KIF18A: variants seen among roughly 807,000 people sequenced by gnomAD.
The protein encoded by KIF18A is kinesin-like protein KIF18A.
A neutral mutation model predicts 103.3 loss-of-function variants in KIF18A; 67 were observed. The ratio of observed to expected loss-of-function variants is 0.65; its 90% CI spans 0.53 to 0.79. The LOEUF (loss-of-function observed/expected upper bound fraction) is 0.79. KIF18A is among the 30% of genes least tolerant of loss of function. The probability of loss-of-function intolerance (pLI) is 0.00; values close to 1 mark genes in which losing one functional copy is unlikely to be tolerated. For synonymous variants in KIF18A, 367 were observed against 355.5 expected (o/e 1.03, Z -0.36); for missense variants, 1,032 against 1,062.5 (o/e 0.97, Z 0.40).
At chr11:28,042,574 A>G (rs1231130991) in intron 13 of KIF18A, among the ~76,000 whole-genome samples, 2 of 151,994 alleles carry the variant, frequency 1.3e-5, no homozygotes, top group African/African-American at 2.4e-5. Context: ...GAGTTTTGAT[A>G]AAAGAATATA....
intron 13 of KIF18A, among the ~76,000 whole-genome samples, chr11:28,043,606 T>C (rs1194835217): frequency 6.7e-6 from 1 of 148,360 alleles, no homozygotes; most frequent in African/African-American, 2.5e-5. Flanking sequence ...TTTAAAACTA[T>C]ATTTTATAGA....
chr11:28,090,902 A>C (rs1482073657), intron 4 of KIF18A, among the ~76,000 whole-genome samples, 175 bp from the exon 5 acceptor site: 1 of 152,170 alleles, frequency 6.6e-6, no homozygotes, highest in Non-Finnish European at 1.5e-5. Context: ...TGTTTATATG[A>C]AGAATAAAAG....
intron 13 of KIF18A, among the ~76,000 whole-genome samples, chr11:28,045,042 C>A (rs1850613445): frequency 6.6e-6 from 1 of 152,008 alleles, no homozygotes; most frequent in South Asian, 2.1e-4. Flanking sequence ...GGATATTCAT[C>A]TGCCATTCAC....
intron 1 of KIF18A, among the ~76,000 whole-genome samples, chr11:28,104,309 C>A (rs1044830945): frequency 1.3e-5 from 2 of 152,156 alleles, no homozygotes; most frequent in Non-Finnish European, 2.9e-5. Flanking sequence ...CCTATAAATT[C>A]CACATATGGC....
At chr11:28,024,640 T>A (rs1810277463) in intron 15 of KIF18A, among the ~76,000 whole-genome samples, 1 of 152,070 alleles carries the variant, frequency 6.6e-6, no homozygotes, top group African/African-American at 2.4e-5. Context: ...GAGCTATAGA[T>A]TCTTGAGTGT....
chr11:28,080,519 A>T (rs139109968), intron 9 of KIF18A, among the ~76,000 whole-genome samples: 91 of 152,180 alleles, frequency 6.0e-4, no homozygotes, highest in Non-Finnish European at 1.0e-3. Context: ...ATTTGTGACC[A>T]ATGATCTTTG....
At chr11:28,097,430 T>A in intron 2 of KIF18A, 193 bp downstream of exon 2, 1 of 559,072 alleles carries the variant, frequency 1.8e-6, no homozygotes, top group Non-Finnish European at 3.1e-6. Context: ...GGTTTACAAA[T>A]GATGTATAAG....
intron 13 of KIF18A, among the ~76,000 whole-genome samples, chr11:28,051,845 T>C (rs1353414540): frequency 6.6e-6 from 1 of 152,050 alleles, no homozygotes; most frequent in Non-Finnish European, 1.5e-5. Context: ...ACTGCCTACA[T>C]GATGTCTCCA....
chr11:28,047,978 A>G (rs2133511059), intron 13 of KIF18A, among the ~76,000 whole-genome samples: 1 of 152,258 alleles, frequency 6.6e-6, no homozygotes, highest in Non-Finnish European at 1.5e-5. Context: ...GTATGTATGT[A>G]TGTCTATGTA....
rs577369162 is a variant in KIF18A at position 28,103,391 on chromosome 11, C to G, written c.-47+4673G>C. ...GCATTTTATATAATAGATACTAAAC[C>G]TGAAGAAGAATATTTGTCTAGTCTA... On this transcript the variant is annotated intron_variant, in intron 1 of 16. Transcript: ENST00000263181. Among the ~76,000 whole-genome samples the G allele has an allele frequency of 6.7e-5, 10 of 150,126 alleles. No individual in the cohort carries two copies. In the East Asian group the frequency reaches 2.0e-3, roughly 29 times the overall value.
intron 9 of KIF18A, among the ~76,000 whole-genome samples, chr11:28,081,244 AAAC>A (rs1429776371): frequency 5.9e-5 from 9 of 152,194 alleles, no homozygotes; most frequent in Admixed American, 5.9e-4. Context: ...TGGCTACACT[AAAC>A]AACAGATTTT....
At chr11:28,040,302 A>C (rs549878857) in intron 13 of KIF18A, among the ~76,000 whole-genome samples, 3 of 151,692 alleles carry the variant, frequency 2.0e-5, no homozygotes, top group Non-Finnish European at 4.4e-5. Context: ...GTCTATGTCT[A>C]TAAAAGAGAT....
intron 13 of KIF18A, among the ~76,000 whole-genome samples, chr11:28,050,191 CA>C (rs1401320680): frequency 2.6e-5 from 4 of 151,650 alleles, no homozygotes; most frequent in African/African-American, 9.7e-5. Context: ...TTACACTTAC[CA>C]AAGATGGAAA....
chr11:28,041,482 T>C (rs1850559740), intron 13 of KIF18A, among the ~76,000 whole-genome samples: 1 of 151,718 alleles, frequency 6.6e-6, no homozygotes, highest in Non-Finnish European at 1.5e-5. Context: ...TGCTGTGAGT[T>C]AGAGGGACAG....
At chr11:28,076,657 G>A (rs769311194) in intron 10 of KIF18A, 11 of 154,784 alleles carry the variant, frequency 7.1e-5, no homozygotes, top group Admixed American at 2.0e-4. Context: ...CCACCAGGCC[G>A]GGCACAGTGG....
At chr11:28,033,046 G>A (rs1023000770) in intron 15 of KIF18A, among the ~76,000 whole-genome samples, 5 of 151,572 alleles carry the variant, frequency 3.3e-5, no homozygotes, top group African/African-American at 1.2e-4. Flanking sequence ...TTTTTAAAAT[G>A]GGCAAAAGAA....
Position 28,097,929 on chromosome 11 carries a change from C to G in KIF18A, c.19G>C (p.Asp7His). 39 of 1,580,486 alleles carry G rather than the reference C, an allele frequency of 2.5e-5. No individual in the cohort carries two copies. The highest frequency in any genetic ancestry group is 3.3e-5 in the Non-Finnish European group (38 of 1,165,570). The change falls in exon 2 of 17, where the codon GAC becomes CAC. Residue 7 changes from aspartate to histidine, a missense_variant. Asp to His is a moderately conservative substitution (Grantham distance 81). Transcript: ENST00000263181. MSVTEE[D>H]LCHHMKVVVR... ...ACTACTTTCATATGGTGGCACAGGTCTTCCTCAGTGACAGACATTGTTGAT... is the reference window on the plus strand; with the variant it reads ...ACTACTTTCATATGGTGGCACAGGTGTTCCTCAGTGACAGACATTGTTGAT...
At chr11:28,063,976 C>A (rs371994997) in intron 11 of KIF18A, among the ~76,000 whole-genome samples, 1 of 151,416 alleles carries the variant, frequency 6.6e-6, no homozygotes, top group South Asian at 2.1e-4. Flanking sequence ...TATTTTTCTC[C>A]TTTTTAGAAA....
intron 13 of KIF18A, among the ~76,000 whole-genome samples, chr11:28,045,814 T>C (rs1850624362): frequency 6.6e-6 from 1 of 151,978 alleles, no homozygotes; most frequent in South Asian, 2.1e-4. Flanking sequence ...AAAGGGCTAA[T>C]ATCCAGAATC....
Sources: allele counts gnomAD v4.1 joint callset (sites outside exome capture counted in the v4.1 genomes callset), GRCh38; gene constraint gnomAD v4.1.1; transcripts MANE v1.5; gene names NCBI Gene and HGNC (gene_info 2026-07-23, HGNC 2026-07-21).